The following TRPM7 variants were observed in gnomAD, a reference collection of about 807,000 sequenced individuals.
TRPM7 encodes LTRPC ion channel family member 7.
In TRPM7, 134 loss-of-function variants were observed where a neutral mutation model predicts 229.7. The observed-to-expected ratio is 0.58, with a 90% CI of 0.51 to 0.67. The LOEUF is 0.67. Among genes scored for constraint, TRPM7 ranks in the 30% least tolerant of loss-of-function variants. The probability of loss-of-function intolerance (pLI) is 0.00; values close to 1 mark genes in which losing one functional copy is unlikely to be tolerated. For synonymous variants in TRPM7, 699 were observed against 715.2 expected, an observed-to-expected ratio of 0.98 and a Z score of 0.36; for missense variants, 1,901 against 2,210.0, an observed-to-expected ratio of 0.86 and a Z score of 2.80.
chr15:50,621,768 T>C (rs1347001242), intron 12 of TRPM7, among the ~76,000 whole-genome samples: 1 of 152,150 alleles, frequency 6.6e-6, no homozygotes, highest in East Asian at 1.9e-4. Flanking sequence ...CGGTGGCTCA[T>C]GCTTGTAATC....
At chr15:50,685,514 C>G (rs2062337625) in intron 1 of TRPM7, among the ~76,000 whole-genome samples, 1 of 152,180 alleles carries the variant, frequency 6.6e-6, no homozygotes, top group South Asian at 2.1e-4. Context: ...ATTATTTATT[C>G]AAAGTATTAC....
chr15:50,625,130 T>C (rs564116196), intron 11 of TRPM7, among the ~76,000 whole-genome samples: 19 of 152,310 alleles, frequency 1.2e-4, no homozygotes, highest in African/African-American at 4.6e-4. Flanking sequence ...TTTCACTGAG[T>C]TTTATTAATA....
At chr15:50,637,614 GAGTT>G in intron 6 of TRPM7, 21 bp from the exon 7 acceptor site, 2 of 1,601,486 alleles carry the variant, frequency 1.2e-6, no homozygotes, top group Non-Finnish European at 1.7e-6. Context: ...GCAAACAAAA[GAGTT>G]AGTGAGCAGG....
rs753451235 is a variant in TRPM7, at chr15:50,643,517, T to C, written c.358A>G (p.Ile120Val). ...CATTCTTTAAGCAGAAGTTGCAGAA[T>C]GACTTCAGGTTTGGTGTCATATGAT... is the stretch of plus-strand genomic sequence containing the variant. ...RLSYDTKPEV[I>V]LQLLLKEWQM... Residue 120 changes from isoleucine (I) to valine (V), a missense_variant, in exon 5 of 39, where the codon ATT becomes GTT. Ile to Val is a conservative substitution (Grantham distance 29). Transcript: ENST00000646667. 4.8e-5 allele frequency: 77 copies of C among 1,614,078 alleles called. No individual in the cohort carries two copies. Among genetic ancestry groups the C allele is most frequent in the Middle Eastern group, 3.3e-4 (2 of 6,084 alleles).
intron 28 of TRPM7, among the ~76,000 whole-genome samples, chr15:50,585,097 C>G (rs984593463): frequency 6.8e-6 from 1 of 147,622 alleles, no homozygotes; most frequent in Non-Finnish European, 1.5e-5. Context: ...CTCTGTCGCC[C>G]AGGCCGGACT....
intron 1 of TRPM7, 64 bp downstream of exon 1, chr15:50,686,467 G>A: frequency 6.2e-7 from 1 of 1,613,870 alleles, no homozygotes; most frequent in Non-Finnish European, 8.5e-7. Context: ...TGCCTGCCAA[G>A]TCTCTCCTTT....
At chr15:50,568,988 C>T (rs1377721154) in intron 38 of TRPM7, among the ~76,000 whole-genome samples, 1 of 151,990 alleles carries the variant, frequency 6.6e-6, no homozygotes, top group Admixed American at 6.5e-5. Context: ...GTCTCAAAAA[C>T]AAACAAATAA....
At chr15:50,662,627 T>C (rs16963855) in intron 2 of TRPM7, among the ~76,000 whole-genome samples, 4,603 of 152,262 alleles carry the variant, frequency 0.03, 249 homozygotes, top group African/African-American at 0.11. Flanking sequence ...GATACACAAA[T>C]TTAAGTTCCC....
At chr15:50,581,916 T>C (rs1020332474) in intron 29 of TRPM7, among the ~76,000 whole-genome samples, 1 of 152,258 alleles carries the variant, frequency 6.6e-6, no homozygotes, top group Admixed American at 6.5e-5. Flanking sequence ...TCTGATCCAG[T>C]TTAGTAATTT....
intron 28 of TRPM7, 146 bp from the exon 29 acceptor site, chr15:50,583,305 T>C: frequency 2.1e-6 from 1 of 478,756 alleles, no homozygotes; most frequent in East Asian, 3.5e-5. Context: ...AAGAGTTACA[T>C]GAGGCCCATA....
intron 3 of TRPM7, among the ~76,000 whole-genome samples, chr15:50,654,227 C>G (rs529849308): frequency 6.7e-6 from 1 of 150,248 alleles, no homozygotes; most frequent in South Asian, 2.1e-4. Context: ...GGGCGGATCA[C>G]CTGAGGTCAG....
Position 50,686,739 on chromosome 15 carries a change from G to A in TRPM7, c.-206C>T, listed in dbSNP as rs2062368340. The stretch of plus-strand genomic sequence containing the variant: ...TCATAATTGTGCGACCAACTCCTCC[G>A]GGTGACTGGCCACAGGGACGCGCCC... On this transcript the variant is annotated 5_prime_UTR_variant, in exon 1 of 39. Coordinates refer to ENST00000646667, the MANE Select transcript of TRPM7 (RefSeq NM_017672.6). 3.2e-6 allele frequency: 2 copies of A among 615,494 alleles called. No homozygotes were observed. Among genetic ancestry groups the A allele is most frequent in the South Asian group, 2.3e-5 (1 of 42,568 alleles). The allele number at this position is 615,494 out of a possible 1,614,324, so 38.1% of individuals were successfully genotyped here.
At chr15:50,681,425 A>T (rs2062237917) in intron 1 of TRPM7, among the ~76,000 whole-genome samples, 1 of 152,170 alleles carries the variant, frequency 6.6e-6, no homozygotes, top group South Asian at 2.1e-4. Context: ...TTAGACTAGG[A>T]AGACTATCAT....
intron 3 of TRPM7, among the ~76,000 whole-genome samples, chr15:50,651,751 G>A (rs868818909): frequency 1.4e-4 from 22 of 152,044 alleles, no homozygotes; most frequent in Admixed American, 3.9e-4. Flanking sequence ...TAAGCTGGGC[G>A]TCGTGGCAGT....
At chr15:50,600,436 TAAA>T (rs894855873) in intron 21 of TRPM7, among the ~76,000 whole-genome samples, 2 of 130,092 alleles carry the variant, frequency 1.5e-5, no homozygotes, top group African/African-American at 5.7e-5. Context: ...GACTCCATCT[TAAA>T]AAAAAAAAAA....
Position 50,558,301 on chromosome 15 carries a change from T to G in TRPM7, c.*3377A>C, listed in dbSNP as rs73408905. On this transcript the variant is annotated 3_prime_UTR_variant, in exon 39 of 39. Transcript: ENST00000646667. ...ATTCATGCCTGCAATTCTACCACTT[T>G]GGGAAGCTCAGGCGAGAGGATCACT... 2 of 152,274 alleles carry G rather than the reference T, an allele frequency of 1.3e-5. No individual in the cohort carries two copies. The highest frequency in any genetic ancestry group is 2.1e-4 in the South Asian group (1 of 4,828). 9.4% of individuals were successfully genotyped at this position (152,274 alleles called of 1,614,324 possible). A position where few individuals can be genotyped will look rare whatever the true frequency, so the allele number is the denominator to read the frequency against.
At position 50,643,432 on chromosome 15, in the gene TRPM7, A is replaced by G. The variant is rs1159894116; in HGVS notation, c.443T>C (p.Leu148Pro). 1 of 1,614,228 alleles carries G rather than the reference A, an allele frequency of 6.2e-7. No homozygotes were observed. The highest frequency in any genetic ancestry group is 8.5e-7 in the Non-Finnish European group (1 of 1,180,030). The change falls in exon 5 of 39, where the codon CTT becomes CCT. Residue 148 changes from leucine to proline, a missense_variant. By Grantham distance (98) the Leu-to-Pro change is moderately conservative. Coordinates refer to ENST00000646667, the MANE Select transcript of TRPM7 (RefSeq NM_017672.6). Reference sequence around the variant, plus strand: ...AAGCAACTGCTTGATTCGTGGGTGAAGCTCAAATTTCTGCATGCCCCCATG... The same window carrying G: ...AAGCAACTGCTTGATTCGTGGGTGAGGCTCAAATTTCTGCATGCCCCCATG... Reference protein sequence around the residue: ...SVHGGMQKFELHPRIKQLLGK... With the variant: ...SVHGGMQKFEPHPRIKQLLGK...
chr15:50,610,020 AAAAAC>A (rs1210871066), intron 17 of TRPM7, 59 bp from the exon 18 acceptor site: 3 of 1,214,920 alleles, frequency 2.5e-6, no homozygotes, highest in Non-Finnish European at 3.4e-6. Context: ...AGAATATAAT[AAAAAC>A]AAAACAAAGA....
intron 11 of TRPM7, among the ~76,000 whole-genome samples, chr15:50,626,295 T>C (rs764952461): frequency 2.6e-5 from 4 of 152,150 alleles, no homozygotes; most frequent in Non-Finnish European, 5.9e-5. Flanking sequence ...TTATGAAATT[T>C]CACTTTAGTA....
Sources: allele counts gnomAD v4.1 joint callset (sites outside exome capture counted in the v4.1 genomes callset), GRCh38; gene constraint gnomAD v4.1.1; transcripts MANE v1.5; gene names NCBI Gene and HGNC (gene_info 2026-07-23, HGNC 2026-07-21).